The following SHROOM3 variants were observed in gnomAD, a reference collection of about 807,000 sequenced individuals.
SHROOM3 encodes the protein shroom family member 3, also known as protein Shroom3.
Under a neutral mutation model 138.6 loss-of-function variants are expected in SHROOM3, and 47 were observed. The ratio of observed to expected loss-of-function variants is 0.34; its 90% CI spans 0.27 to 0.43. The LOEUF is 0.43. Among genes scored for constraint, SHROOM3 ranks in the 20% least tolerant of loss-of-function variants. The probability of loss-of-function intolerance (pLI) is 1.00; values close to 1 mark genes in which losing one functional copy is unlikely to be tolerated. For missense variants in SHROOM3, 2,491 were observed against 2,596.5 expected, an observed-to-expected ratio of 0.96 and a Z score of 0.88; for synonymous variants, 1,062 against 1,063.3, an observed-to-expected ratio of 1.00 and a Z score of 0.02.
intron 9 of SHROOM3, 35 bp from the exon 10 acceptor site, chr4:76,770,591 T>C: frequency 6.2e-7 from 1 of 1,611,682 alleles, no homozygotes. Flanking sequence ...GCACCTCCTG[T>C]TGGCTGATCT....
intron 2 of SHROOM3, among the ~76,000 whole-genome samples, chr4:76,591,123 T>C (rs557806928): frequency 6.6e-6 from 1 of 152,198 alleles, no homozygotes; most frequent in African/African-American, 2.4e-5. Flanking sequence ...TAGAAGATAC[T>C]GTAAAATGAT....
chr4:76,439,196 C>T (rs1032035766), intron 1 of SHROOM3, among the ~76,000 whole-genome samples: 10 of 152,270 alleles, frequency 6.6e-5, no homozygotes, highest in South Asian at 2.1e-4. Context: ...CCCCTTCCTC[C>T]ATCTTCAAAG....
intron 2 of SHROOM3, chr4:76,709,795 G>C (rs1381325376): frequency 6.9e-6 from 2 of 290,776 alleles, no homozygotes; most frequent in African/African-American, 4.5e-5. Context: ...GTTTGCTTCA[G>C]TGAATCCAGT....
intron 2 of SHROOM3, among the ~76,000 whole-genome samples, chr4:76,599,082 G>A (rs1455266153): frequency 1.3e-5 from 2 of 152,134 alleles, no homozygotes; most frequent in Non-Finnish European, 1.5e-5. Context: ...TGCAAGGCGA[G>A]GAGGATGACT....
Position 76,730,953 on chromosome 4 carries a change from A to G in SHROOM3, c.587+18A>G, listed in dbSNP as rs1315521122. 1.2e-6 allele frequency: 2 copies of G among 1,613,960 alleles called. No homozygotes were observed. Among genetic ancestry groups the G allele is most frequent in the Non-Finnish European group, 1.7e-6 (2 of 1,179,904 alleles). ...CATTCCAGGTAAGTGGCTATAGCTG[A>G]GACTGAAGGGTTTCTTTCTTTCTAA... is the stretch of plus-strand genomic sequence containing the variant. On this transcript the variant is annotated intron_variant, in intron 4 of 10. Coordinates refer to ENST00000296043, the MANE Select transcript of SHROOM3 (RefSeq NM_020859.4).
At chr4:76,603,628 C>G (rs1734555172) in intron 2 of SHROOM3, among the ~76,000 whole-genome samples, 1 of 151,582 alleles carries the variant, frequency 6.6e-6, no homozygotes, top group South Asian at 2.1e-4. Flanking sequence ...CACATGTGCC[C>G]ACATGCAGGT....
intron 2 of SHROOM3, among the ~76,000 whole-genome samples, chr4:76,616,258 A>T (rs542272531): frequency 6.6e-6 from 1 of 152,294 alleles, no homozygotes; most frequent in South Asian, 2.1e-4. Context: ...TCTTGAATGG[A>T]CCAACCCTCA....
At chr4:76,712,941 G>A (rs778582626) in intron 3 of SHROOM3, among the ~76,000 whole-genome samples, 8 of 152,170 alleles carry the variant, frequency 5.3e-5, no homozygotes, top group Admixed American at 2.0e-4. Flanking sequence ...ACTGAATTCT[G>A]TAGGCAATTG....
intron 2 of SHROOM3, chr4:76,688,857 G>T: frequency 1.0e-6 from 1 of 984,576 alleles, no homozygotes; most frequent in Non-Finnish European, 1.2e-6. Context: ...AGGCCCGGAA[G>T]GAAGGCTTCA....
intron 1 of SHROOM3, among the ~76,000 whole-genome samples, chr4:76,499,627 T>C (rs906029689): frequency 3.3e-5 from 5 of 152,140 alleles, no homozygotes; most frequent in African/African-American, 1.2e-4. Flanking sequence ...AGAGTAGACA[T>C]GCACGCTAGG....
intron 2 of SHROOM3, among the ~76,000 whole-genome samples, chr4:76,624,230 C>A (rs1036028441): frequency 6.6e-6 from 1 of 152,074 alleles, no homozygotes; most frequent in African/African-American, 2.4e-5. Flanking sequence ...GACATTTCAG[C>A]GTGCTGCACT....
chr4:76,697,751 GTT>G (rs1234272803), intron 2 of SHROOM3, among the ~76,000 whole-genome samples: 3 of 152,170 alleles, frequency 2.0e-5, no homozygotes, highest in African/African-American at 7.2e-5. Context: ...CAATTGTAAT[GTT>G]TTTAAATGTT....
chr4:76,764,782 T>G (rs867485069), intron 9 of SHROOM3, among the ~76,000 whole-genome samples: 1 of 152,234 alleles, frequency 6.6e-6, no homozygotes, highest in African/African-American at 2.4e-5. Context: ...CTTTCGTCTT[T>G]AGCATTTTGA....
intron 2 of SHROOM3, among the ~76,000 whole-genome samples, chr4:76,701,718 G>A (rs1045237610): frequency 4.6e-5 from 7 of 152,160 alleles, no homozygotes; most frequent in Non-Finnish European, 1.0e-4. Flanking sequence ...TCTCTCTACT[G>A]ATACTAGTTT....
chr4:76,478,863 C>T (rs771488635), intron 1 of SHROOM3, among the ~76,000 whole-genome samples: 9 of 152,120 alleles, frequency 5.9e-5, no homozygotes, highest in Admixed American at 3.9e-4. Flanking sequence ...CTTCAGCAAA[C>T]TCTAGCAGAC....
chr4:76,441,309 G>A (rs940964316), intron 1 of SHROOM3, among the ~76,000 whole-genome samples: 36 of 152,188 alleles, frequency 2.4e-4, no homozygotes, highest in African/African-American at 8.4e-4. Flanking sequence ...TAGCCAGGAT[G>A]GACTCGATCT....
chr4:76,496,166 C>T (rs1731964674), intron 1 of SHROOM3, among the ~76,000 whole-genome samples: 1 of 152,182 alleles, frequency 6.6e-6, no homozygotes, highest in African/African-American at 2.4e-5. Flanking sequence ...CTAGGATATG[C>T]CACAGCACAG....
intron 2 of SHROOM3, among the ~76,000 whole-genome samples, chr4:76,683,445 C>T (rs1266556874): frequency 6.6e-6 from 1 of 152,170 alleles, no homozygotes; most frequent in Non-Finnish European, 1.5e-5. Context: ...TCCTTCCTTG[C>T]CTTTACCCTC....
At chr4:76,443,583 A>G (rs554428654) in intron 1 of SHROOM3, among the ~76,000 whole-genome samples, 7 of 152,348 alleles carry the variant, frequency 4.6e-5, no homozygotes, top group Non-Finnish European at 7.3e-5. Context: ...GGTTCATCCC[A>G]GGAGTCCATC....
Sources: allele counts gnomAD v4.1 joint callset (sites outside exome capture counted in the v4.1 genomes callset), GRCh38; gene constraint gnomAD v4.1.1; transcripts MANE v1.5; gene names NCBI Gene and HGNC (gene_info 2026-07-23, HGNC 2026-07-21).